SUCLG2: variants seen among roughly 807,000 people sequenced by gnomAD.
SUCLG2 encodes the protein succinate-CoA ligase GDP-forming subunit beta.
In SUCLG2, 42 loss-of-function variants were observed where a neutral mutation model predicts 47.9. The observed-to-expected ratio is 0.88, with a 90% CI of 0.69 to 1.14. The LOEUF (loss-of-function observed/expected upper bound fraction) is 1.14, where lower values mean the gene tolerates loss of function less well. Among genes scored for constraint, SUCLG2 ranks in the 50% most tolerant of loss-of-function variants. The pLI, the probability that SUCLG2 is intolerant of heterozygous loss-of-function variation, is 0.00. For synonymous variants in SUCLG2, 195 were observed against 197.3 expected, an observed-to-expected ratio of 0.99 and a Z score of 0.10; for missense variants, 571 against 525.9, an observed-to-expected ratio of 1.09 and a Z score of -0.84.
At chr3:67,461,830 G>C (rs1394214381) in intron 9 of SUCLG2, among the ~76,000 whole-genome samples, 1 of 152,026 alleles carries the variant, frequency 6.6e-6, no homozygotes, top group African/African-American at 2.4e-5. Context: ...CACAGAACCT[G>C]GGAAGATTTC....
At chr3:67,505,999 C>T (rs531125269) in intron 7 of SUCLG2, among the ~76,000 whole-genome samples, 1 of 150,466 alleles carries the variant, frequency 6.6e-6, no homozygotes, top group Non-Finnish European at 1.5e-5. Context: ...AAAGAAACAA[C>T]AACAACAAAA....
chr3:67,521,299 G>A (rs967736311), intron 4 of SUCLG2, among the ~76,000 whole-genome samples: 4 of 152,126 alleles, frequency 2.6e-5, no homozygotes, highest in African/African-American at 7.2e-5. Context: ...AGGAACCTCC[G>A]TGATAACTAG....
rs1707822313 is a variant in SUCLG2 at position 67,579,304 on chromosome 3, G to A, written c.226+30151C>T. The stretch of plus-strand genomic sequence containing the variant: ...GTAGAAGAATTTAGAATGTCAAGTG[G>A]CATTAATTTAAGTAGAAATAAGTTC... On this transcript the variant is annotated intron_variant, in intron 2 of 10. Transcript: ENST00000307227. 2.0e-5 allele frequency among the ~76,000 whole-genome samples: 3 copies of A among 151,980 alleles called. No individual in the cohort carries two copies. In the South Asian group the frequency reaches 6.2e-4, roughly 32 times the overall value.
chr3:67,392,640 G>A (rs963230991), intron 10 of SUCLG2, among the ~76,000 whole-genome samples: 4 of 152,162 alleles, frequency 2.6e-5, no homozygotes, highest in African/African-American at 9.7e-5. Flanking sequence ...TTAGGCAGGG[G>A]CAGAGGGGTG....
chr3:67,499,287 T>TA (rs1443423005), intron 7 of SUCLG2, among the ~76,000 whole-genome samples: 1 of 152,232 alleles, frequency 6.6e-6, no homozygotes, highest in Non-Finnish European at 1.5e-5. Flanking sequence ...GTAACCTTGA[T>TA]AAAATAACCT....
At chr3:67,424,535 A>C (rs1034291518) in intron 9 of SUCLG2, among the ~76,000 whole-genome samples, 3 of 152,204 alleles carry the variant, frequency 2.0e-5, no homozygotes, top group Non-Finnish European at 2.9e-5. Flanking sequence ...GCCCGGGCTC[A>C]ACATACTAGC....
intron 9 of SUCLG2, among the ~76,000 whole-genome samples, chr3:67,452,919 T>C (rs1016552453): frequency 1.3e-5 from 2 of 152,246 alleles, no homozygotes; most frequent in Admixed American, 1.3e-4. Flanking sequence ...CTTTTGAAAC[T>C]GCATAATCTC....
Position 67,629,508 on chromosome 3 carries a change from G to A in SUCLG2, c.85-19912C>T, listed in dbSNP as rs1443591561. ...ATAGAACATGATATGGGGGAGGGGG[G>A]GGCGCCCATATGTGTTCACCAACCT... On this transcript the variant is annotated intron_variant, in intron 1 of 10. Transcript: ENST00000307227. Among the ~76,000 whole-genome samples, 3 of 152,132 alleles carry A rather than the reference G, an allele frequency of 2.0e-5. No individual in the cohort carries two copies. In the East Asian group the frequency reaches 5.8e-4, roughly 29 times the overall value.
intron 2 of SUCLG2, among the ~76,000 whole-genome samples, chr3:67,571,672 C>G (rs908296406): frequency 9.2e-5 from 14 of 152,180 alleles, no homozygotes; most frequent in Non-Finnish European, 2.9e-5. Context: ...TAAATGTTCA[C>G]CCTATATCAT....
At chr3:67,643,036 G>A (rs1701129388) in intron 1 of SUCLG2, among the ~76,000 whole-genome samples, 1 of 152,084 alleles carries the variant, frequency 6.6e-6, no homozygotes, top group Non-Finnish European at 1.5e-5. Flanking sequence ...ACTGGGATGG[G>A]CATCTGCCAC....
intron 2 of SUCLG2, among the ~76,000 whole-genome samples, chr3:67,562,284 GT>G (rs375731239): frequency 0.011 from 1,577 of 145,260 alleles, 18 homozygotes; most frequent in East Asian, 0.045. Flanking sequence ...TTTTTTGTTT[GT>G]TTTTTTTTTT....
chr3:67,473,300 T>G (rs536858135), intron 9 of SUCLG2, among the ~76,000 whole-genome samples: 1 of 152,282 alleles, frequency 6.6e-6, no homozygotes, highest in Admixed American at 6.5e-5. Flanking sequence ...CCACCTAGCT[T>G]GATGACTTTA....
At chr3:67,570,064 TAA>T (rs1653392520) in intron 2 of SUCLG2, among the ~76,000 whole-genome samples, 1 of 152,106 alleles carries the variant, frequency 6.6e-6, no homozygotes, top group Admixed American at 6.5e-5. Flanking sequence ...GATGTCCTTA[TAA>T]GAAGTGGGAG....
At chr3:67,557,331 G>A (rs1224573252) in intron 2 of SUCLG2, among the ~76,000 whole-genome samples, 1 of 152,130 alleles carries the variant, frequency 6.6e-6, no homozygotes, top group African/African-American at 2.4e-5. Context: ...TTCTAATGAA[G>A]AGAATAACCT....
At chr3:67,431,822 G>C (rs1703491600) in intron 9 of SUCLG2, among the ~76,000 whole-genome samples, 2 of 152,092 alleles carry the variant, frequency 1.3e-5, no homozygotes, top group South Asian at 2.1e-4. Context: ...AGCCAACATG[G>C]CACATGTATA....
intron 5 of SUCLG2, among the ~76,000 whole-genome samples, chr3:67,519,304 G>T (rs1706033460): frequency 6.6e-6 from 1 of 152,124 alleles, no homozygotes; most frequent in South Asian, 2.1e-4. Flanking sequence ...CTGTGCTCCA[G>T]CCATCAGAGA....
intron 2 of SUCLG2, among the ~76,000 whole-genome samples, chr3:67,556,868 C>A (rs1452648016): frequency 6.6e-6 from 1 of 152,020 alleles, no homozygotes; most frequent in African/African-American, 2.4e-5. Context: ...TGCCCTGAGG[C>A]AGAAATTGAG....
chr3:67,401,405 CT>C (rs1376164750), intron 9 of SUCLG2, among the ~76,000 whole-genome samples: 2 of 151,892 alleles, frequency 1.3e-5, no homozygotes, highest in African/African-American at 2.4e-5. Context: ...AGACAGCAAC[CT>C]TTTGATTAAA....
intron 9 of SUCLG2, among the ~76,000 whole-genome samples, chr3:67,402,571 C>T (rs1239626652): frequency 1.3e-5 from 2 of 152,220 alleles, no homozygotes; most frequent in African/African-American, 4.8e-5. Context: ...CTTGGTACAG[C>T]AGTAGTTTCC....
Sources: allele counts gnomAD v4.1 joint callset (sites outside exome capture counted in the v4.1 genomes callset), GRCh38; gene constraint gnomAD v4.1.1; transcripts MANE v1.5; gene names NCBI Gene and HGNC (gene_info 2026-07-23, HGNC 2026-07-21).